VPS39: variants seen among roughly 807,000 people sequenced by gnomAD.
VPS39 encodes the protein VPS39 subunit of HOPS complex, also known as vam6/Vps39-like protein.
Under a neutral mutation model 121.0 loss-of-function variants are expected in VPS39, and 70 were observed. That is an observed-to-expected ratio of 0.58 (90% CI 0.48 to 0.71). VPS39 has a LOEUF of 0.71. Ranked by LOEUF, VPS39 falls within the 30% of genes least tolerant of loss-of-function variation. VPS39 has a pLI of 0.00. For missense variants in VPS39, 818 were observed against 1,051.5 expected (o/e 0.78, Z 3.07); for synonymous variants, 378 against 398.1 (o/e 0.95, Z 0.60).
At chr15:42,207,671 T>G (rs2050203654) in intron 1 of VPS39, among the ~76,000 whole-genome samples, 2 of 152,012 alleles carry the variant, frequency 1.3e-5, no homozygotes, top group South Asian at 4.1e-4. Context: ...AAAACCAGGG[T>G]TGACTTTCAT....
intron 2 of VPS39, among the ~76,000 whole-genome samples, chr15:42,195,740 A>T (rs929439049): frequency 6.6e-6 from 1 of 152,226 alleles, no homozygotes. Context: ...AAATGGCCAT[A>T]CTGCCCAAGG....
intron 1 of VPS39, 106 bp downstream of exon 1, chr15:42,207,975 A>C (rs1329467506): frequency 7.9e-7 from 1 of 1,259,310 alleles, no homozygotes; most frequent in Non-Finnish European, 1.1e-6. Flanking sequence ...TGTAGCATCC[A>C]ACCGAAGCCC....
At chr15:42,166,698 G>C (rs1448530403) in intron 14 of VPS39, 49 bp from the exon 15 acceptor site, 1 of 1,613,884 alleles carries the variant, frequency 6.2e-7, no homozygotes, top group Non-Finnish European at 8.5e-7. Context: ...CCCCACGGGA[G>C]ATTTCCATAT....
intron 15 of VPS39, 61 bp from the exon 16 acceptor site, chr15:42,166,293 G>A: frequency 6.7e-7 from 1 of 1,503,330 alleles, no homozygotes; most frequent in Middle Eastern, 2.0e-4. Context: ...GCACTGGGAA[G>A]GCAGGTGGGC....
In VPS39 at chr15:42,167,510, T is replaced by C. The variant is rs1288739733; in HGVS notation, c.1261A>G (p.Asn421Asp). 1 of 1,614,168 alleles carries C rather than the reference T, an allele frequency of 6.2e-7. No homozygotes were observed. The highest frequency in any genetic ancestry group is 2.2e-5 in the East Asian group (1 of 44,884). The change falls in exon 13 of 25, where the codon AAT becomes GAT. Residue 421 changes from asparagine (N) to aspartate (D), a missense_variant. Coordinates refer to ENST00000318006, the MANE Select transcript of VPS39 (RefSeq NM_015289.5). ...QKRSQLVKKL[N>D]DSDHQSSTSP... ...GTGCTTGACTGGTGATCAGAGTCAT[T>C]CAGCTTCTTTACCAATTGACTTCGT...
In VPS39 at chr15:42,165,064, C is replaced by A; in HGVS notation, c.1829G>T (p.Cys610Phe). ...WEETGSRFHN[C>F]LIQLYCEKVQ... Reference sequence around the variant, plus strand: ...CTTCTCACAGTATAGCTGGATCAGGCAGTTGTGGAACCGAGAGCCTGTCTC... The same window carrying A: ...CTTCTCACAGTATAGCTGGATCAGGAAGTTGTGGAACCGAGAGCCTGTCTC... Residue 610 changes from cysteine (C) to phenylalanine (F), a missense_variant, in exon 18 of 25, where the codon TGC (cysteine) becomes TTC (phenylalanine). Coordinates refer to ENST00000318006, the MANE Select transcript of VPS39 (RefSeq NM_015289.5). 1 of 1,614,222 alleles carries A rather than the reference C, an allele frequency of 6.2e-7. No homozygotes were observed. Among genetic ancestry groups the A allele is most frequent in the Non-Finnish European group, 8.5e-7 (1 of 1,180,044 alleles).
intron 8 of VPS39, 162 bp downstream of exon 8, chr15:42,184,355 T>C: frequency 1.6e-6 from 1 of 615,774 alleles, no homozygotes; most frequent in East Asian, 3.3e-5. Flanking sequence ...GACTATCCCA[T>C]TTTTAATGAC....
chr15:42,164,504 C>T lies in VPS39; in HGVS notation c.1898-18G>A, dbSNP rs760677433. On this transcript the variant is annotated intron_variant, in intron 18 of 24. Coordinates refer to ENST00000318006, the MANE Select transcript of VPS39 (RefSeq NM_015289.5). ...GGTTTTGCCTTTAAGGGAAACCAAG[C>T]TCAAAATGAAAGGACACTGCCAGGT... The T allele has an allele frequency of 3.7e-6, 6 of 1,613,266 alleles. No individual in the cohort carries two copies. In the East Asian group the frequency reaches 1.1e-4, roughly 30 times the overall value.
intron 10 of VPS39, among the ~76,000 whole-genome samples, chr15:42,177,440 G>A (rs565035998): frequency 2.6e-5 from 4 of 152,120 alleles, no homozygotes; most frequent in South Asian, 4.2e-4. Flanking sequence ...TAAGACTGCC[G>A]CCTGGCTGAA....
intron 8 of VPS39, among the ~76,000 whole-genome samples, chr15:42,179,683 T>A (rs188428738): frequency 2.8e-4 from 43 of 151,898 alleles, no homozygotes; most frequent in African/African-American, 6.0e-4. Context: ...CAAATTCTGT[T>A]TTCCCTAAAA....
At chr15:42,165,212 G>A (rs2049218454) in intron 17 of VPS39, 99 bp from the exon 18 acceptor site, 1 of 1,131,692 alleles carries the variant, frequency 8.8e-7, no homozygotes, top group East Asian at 2.4e-5. Flanking sequence ...GTCCCATCCA[G>A]ATTATCCCCT....
chr15:42,199,560 T>A (rs1447565426), intron 2 of VPS39: 5 of 463,754 alleles, frequency 1.1e-5, no homozygotes, highest in Non-Finnish European at 2.2e-5. Context: ...TACAGGAAGC[T>A]TATGCCCATT....
Position 42,170,669 on chromosome 15 carries a change from C to T in VPS39, c.1091-803G>A, listed in dbSNP as rs148370450. Among the ~76,000 whole-genome samples the T allele has an allele frequency of 4.1e-5, 6 of 147,130 alleles. No individual in the cohort carries two copies. The East Asian group carries it at 6.0e-4, about 15-fold the overall frequency. ...CTATATTAAGAATCAAAATGGTGCA[C>T]GTTAACAATGTCAAAGAGGTGACAT... On this transcript the variant is annotated intron_variant, in intron 11 of 24. Transcript: ENST00000318006.
rs973871218 is a variant in VPS39, at chr15:42,163,654, T to A, written c.2101A>T (p.Ile701Phe). Reference sequence around the variant, plus strand: ...TCAGCCATCCTTGTATCCTTCAAGATGTGGACATAAATGAAAAGAGCTTGT... The same window carrying A: ...TCAGCCATCCTTGTATCCTTCAAGAAGTGGACATAAATGAAAAGAGCTTGT... ...HEQALFIYVH[I>F]LKDTRMAEEY... Residue 701 changes from isoleucine (I) to phenylalanine (F), a missense_variant, in exon 20 of 25, where the codon ATC becomes TTC. Transcript: ENST00000318006. 6 of 1,613,944 alleles carry A rather than the reference T, an allele frequency of 3.7e-6. No individual in the cohort carries two copies. The highest frequency in any genetic ancestry group is 4.5e-5 in the East Asian group (2 of 44,892).
intron 7 of VPS39, 106 bp from the exon 8 acceptor site, chr15:42,184,806 T>C (rs2049666548): frequency 1.9e-6 from 2 of 1,056,646 alleles, no homozygotes; most frequent in South Asian, 1.6e-5. Context: ...ATAATATTCC[T>C]TGTTTGACAT....
intron 8 of VPS39, among the ~76,000 whole-genome samples, chr15:42,179,671 G>A (rs899124655): frequency 6.6e-6 from 1 of 150,738 alleles, no homozygotes; most frequent in African/African-American, 2.4e-5. Flanking sequence ...GTAGGGGGAA[G>A]GCAAATTCTG....
At chr15:42,207,053 G>C (rs1336005985) in intron 1 of VPS39, among the ~76,000 whole-genome samples, 1 of 152,120 alleles carries the variant, frequency 6.6e-6, no homozygotes, top group Non-Finnish European at 1.5e-5. Context: ...AAGGAGGAAG[G>C]GTGCACATTA....
Position 42,199,985 on chromosome 15 carries a change from A to AC in VPS39, c.74-25_74-24insG, listed in dbSNP as rs140439681. ...CTCTGGAAAAACAAAACAAAACAAAAACAAAAACAAAAAAAAACCAGCTTT... is the reference window on the plus strand; with the variant it reads ...CTCTGGAAAAACAAAACAAAACAAAACACAAAAACAAAAAAAAACCAGCTTT... On this transcript the variant is annotated intron_variant, in intron 1 of 24. Coordinates refer to ENST00000318006, the MANE Select transcript of VPS39 (RefSeq NM_015289.5). 205 of 1,549,652 alleles carry AC rather than the reference A, an allele frequency of 1.3e-4. 4 individuals are homozygous for AC. The African/African-American group carries it at 1.7e-3, about 13-fold the overall frequency.
intron 2 of VPS39, among the ~76,000 whole-genome samples, chr15:42,197,411 G>A (rs934056008): frequency 1.8e-4 from 28 of 151,946 alleles, no homozygotes; most frequent in Admixed American, 1.3e-4. Flanking sequence ...AAATGGGTTG[G>A]GCATAGTGGT....
Sources: allele counts gnomAD v4.1 joint callset (sites outside exome capture counted in the v4.1 genomes callset), GRCh38; gene constraint gnomAD v4.1.1; transcripts MANE v1.5; gene names NCBI Gene and HGNC (gene_info 2026-07-23, HGNC 2026-07-21).